The following LINGO2 variants were observed in gnomAD, a reference collection of about 807,000 sequenced individuals.
LINGO2 encodes the protein leucine-rich repeat and immunoglobulin-like domain-containing nogo receptor-interacting protein 2.
Under a neutral mutation model 30.6 loss-of-function variants are expected in LINGO2, and 14 were observed. The ratio of observed to expected loss-of-function variants is 0.46; its 90% CI spans 0.30 to 0.72. The LOEUF (loss-of-function observed/expected upper bound fraction) is 0.72. Ranked by LOEUF, LINGO2 falls within the 30% of genes least tolerant of loss-of-function variation. The pLI is 0.07. For synonymous variants in LINGO2, 317 were observed against 288.5 expected (o/e 1.10, Z -1.00); for missense variants, 729 against 751.7 (o/e 0.97, Z 0.35).
At chr9:28,464,905 C>T (rs1270358245) in intron 2 of LINGO2, among the ~76,000 whole-genome samples, 2 of 152,180 alleles carry the variant, frequency 1.3e-5, no homozygotes, top group Non-Finnish European at 2.9e-5. Flanking sequence ...GTTTGTGGGA[C>T]TCATGAAGGG....
At chr9:28,986,007 C>A in the LINGO2 span, among the ~76,000 whole-genome samples, 3 of 152,016 alleles carry the variant, frequency 2.0e-5, no homozygotes, top group Admixed American at 2.0e-4. Context: ...ACAATTAAGT[C>A]TTTAATCCAT....
chr9:27,950,604 C>T (rs1420833939), exon 6 of LINGO2: 2 of 1,520,480 alleles, frequency 1.3e-6, no homozygotes, highest in African/African-American at 1.4e-5. Flanking sequence ...AATGGTGGAT[C>T]CCATGAAGAT....
At chr9:28,809,922 T>C in the LINGO2 span, among the ~76,000 whole-genome samples, 1 of 152,128 alleles carries the variant, frequency 6.6e-6, no homozygotes, top group Non-Finnish European at 1.5e-5. Context: ...CATCATTCTT[T>C]CTTCTGTTTA....
intron 1 of LINGO2, among the ~76,000 whole-genome samples, chr9:28,535,475 A>G (rs188947307): frequency 5.5e-4 from 83 of 152,264 alleles, no homozygotes; most frequent in Admixed American, 1.4e-3. Flanking sequence ...TGGGGATGCT[A>G]GGTAAAGGAA....
the LINGO2 span, among the ~76,000 whole-genome samples, chr9:28,734,548 T>C: frequency 6.6e-6 from 1 of 152,142 alleles, no homozygotes; most frequent in African/African-American, 2.4e-5. Context: ...CGTAAGTCAC[T>C]TTCCCAAGGT....
chr9:28,282,975 C>G (rs1357686807), intron 4 of LINGO2, among the ~76,000 whole-genome samples: 1 of 152,120 alleles, frequency 6.6e-6, no homozygotes, highest in African/African-American at 2.4e-5. Flanking sequence ...TAAACTCTTT[C>G]TGTTTCAGTC....
intron 4 of LINGO2, among the ~76,000 whole-genome samples, chr9:28,160,151 G>C (rs1362688090): frequency 6.6e-6 from 1 of 152,076 alleles, no homozygotes; most frequent in African/African-American, 2.4e-5. Context: ...GTTAATATAG[G>C]CATTGTCTAA....
At position 28,080,224 on chromosome 9, in the gene LINGO2, C is replaced by T. The variant is rs967409752; in HGVS notation, c.-86-67819G>A. 6.4e-4 allele frequency among the ~76,000 whole-genome samples: 98 copies of T among 152,160 alleles called. 1 individual carries two copies. The highest frequency in any genetic ancestry group is 2.0e-4 in the Admixed American group (3 of 15,268). On this transcript the variant is annotated intron_variant, in intron 4 of 5. Coordinates refer to ENST00000379992, the Ensembl canonical transcript of LINGO2. Reference sequence around the variant, plus strand: ...CATGTTTTCTTATGTCTTTGCTTAACGTTATTTTATGGCTTTTAATTGCAA... The same window carrying T: ...CATGTTTTCTTATGTCTTTGCTTAATGTTATTTTATGGCTTTTAATTGCAA...
the LINGO2 span, among the ~76,000 whole-genome samples, chr9:28,907,427 G>T: frequency 1.3e-5 from 2 of 151,728 alleles, no homozygotes; most frequent in East Asian, 3.9e-4. Flanking sequence ...TTTTTGGCAG[G>T]TGGTAAGGAA....
intron 5 of LINGO2, among the ~76,000 whole-genome samples, chr9:27,999,436 CAGAG>C (rs36216761): frequency 0.017 from 2,380 of 143,720 alleles, 26 homozygotes; most frequent in Middle Eastern, 0.025. Context: ...GCCTAATCTT[CAGAG>C]AGAGAGAGAG....
the LINGO2 span, among the ~76,000 whole-genome samples, chr9:29,010,767 A>T: frequency 6.6e-6 from 1 of 152,050 alleles, no homozygotes. Flanking sequence ...TCACAAACAT[A>T]AAAGTGCCTC....
At chr9:28,111,693 A>C (rs1288197239) in intron 4 of LINGO2, among the ~76,000 whole-genome samples, 1 of 152,156 alleles carries the variant, frequency 6.6e-6, no homozygotes, top group Non-Finnish European at 1.5e-5. Context: ...GTAGTACAAT[A>C]AATGTAATGC....
intron 1 of LINGO2, among the ~76,000 whole-genome samples, chr9:28,654,624 G>A (rs1828254897): frequency 6.6e-6 from 1 of 152,018 alleles, no homozygotes; most frequent in African/African-American, 2.4e-5. Context: ...AGTCTCCCAT[G>A]TCTTAGAGAT....
chr9:28,304,733 T>C (rs889043027), intron 3 of LINGO2, among the ~76,000 whole-genome samples: 2 of 152,060 alleles, frequency 1.3e-5, no homozygotes, highest in African/African-American at 4.8e-5. Flanking sequence ...TGTTTAACTA[T>C]ATTAGAAACT....
the LINGO2 span, among the ~76,000 whole-genome samples, chr9:28,997,194 C>T: frequency 6.6e-6 from 1 of 151,984 alleles, no homozygotes; most frequent in Admixed American, 6.6e-5. Context: ...TCTGGGAGGC[C>T]AAGGTGAGAG....
chr9:28,842,190 A>G, the LINGO2 span, among the ~76,000 whole-genome samples: 4 of 151,878 alleles, frequency 2.6e-5, no homozygotes, highest in Non-Finnish European at 5.9e-5. Context: ...CTGTCCCCTG[A>G]GTTGGAACAG....
At chr9:28,582,819 T>G (rs1479750994) in intron 1 of LINGO2, among the ~76,000 whole-genome samples, 7 of 152,054 alleles carry the variant, frequency 4.6e-5, no homozygotes, top group Admixed American at 3.9e-4. Flanking sequence ...TTTGCGAACC[T>G]TTTTATGGTT....
intron 4 of LINGO2, among the ~76,000 whole-genome samples, chr9:28,088,185 A>ATT (rs1284674352): frequency 7.7e-6 from 1 of 130,112 alleles, no homozygotes; most frequent in African/African-American, 2.8e-5. Flanking sequence ...AAGAAATAAG[A>ATT]TTATATATAT....
intron 3 of LINGO2, among the ~76,000 whole-genome samples, chr9:28,298,725 G>A (rs1393230712): frequency 6.6e-6 from 1 of 151,632 alleles, no homozygotes; most frequent in Non-Finnish European, 1.5e-5. Flanking sequence ...TTTCTTGTAT[G>A]TAAATTACAC....
Sources: gnomAD v4.1 joint callset for allele counts (sites outside exome capture counted in the v4.1 genomes callset) on GRCh38, gnomAD v4.1.1 for gene constraint, MANE v1.5 for transcripts, NCBI Gene and HGNC (gene_info 2026-07-23, HGNC 2026-07-21) for gene names.